Variants in EVI2B observed in about 807,000 individuals in gnomAD.
The protein encoded by EVI2B is ecotropic viral integration site 2B.
EVI2B carries 4 observed loss-of-function variants against 6.6 expected under a neutral mutation model. That is an observed-to-expected ratio of 0.61 (90% CI 0.30 to 1.39). The LOEUF (loss-of-function observed/expected upper bound fraction) is 1.39. EVI2B is among the 40% of genes most tolerant of loss of function. The pLI is 0.08. For synonymous variants in EVI2B, 181 were observed against 186.8 expected, an observed-to-expected ratio of 0.97 and a Z score of 0.25; for missense variants, 484 against 516.6, an observed-to-expected ratio of 0.94 and a Z score of 0.61.
At chr17:31,306,471 T>C (rs2068724105) in intron 1 of EVI2B, among the ~76,000 whole-genome samples, 1 of 152,122 alleles carries the variant, frequency 6.6e-6, no homozygotes, top group South Asian at 2.1e-4. Context: ...AAAATGGAGT[T>C]CATCTTTACC....
chr17:31,313,705 CAA>C (rs371438778), intron 1 of EVI2B, among the ~76,000 whole-genome samples: 13 of 112,600 alleles, frequency 1.2e-4, no homozygotes, highest in East Asian at 2.5e-4. Context: ...GACTCTATCT[CAA>C]AAAAAAAAAA....
chr17:31,310,772 A>G (rs1434206803), intron 1 of EVI2B, among the ~76,000 whole-genome samples: 1 of 151,978 alleles, frequency 6.6e-6, no homozygotes, highest in Non-Finnish European at 1.5e-5. Context: ...CAGCCCTCAT[A>G]TGCCGGTTTT....
At chr17:31,307,756 G>A (rs2068762672) in intron 1 of EVI2B, 1 of 514,566 alleles carries the variant, frequency 1.9e-6, no homozygotes, top group Non-Finnish European at 3.2e-6. Flanking sequence ...TTAACATTAG[G>A]GAATAGAAAA....
chr17:31,305,679 G>A, intron 1 of EVI2B, 49 bp from the exon 2 acceptor site: 1 of 1,497,858 alleles, frequency 6.7e-7, no homozygotes, highest in South Asian at 1.3e-5. Context: ...CGTCATTGGT[G>A]TCTAGTTAAA....
chr17:31,310,671 C>T (rs2068849091), intron 1 of EVI2B, among the ~76,000 whole-genome samples: 1 of 151,950 alleles, frequency 6.6e-6, no homozygotes, highest in Admixed American at 6.6e-5. Flanking sequence ...AGAAGCATAC[C>T]TAGCAATTAT....
rs569234254 is a variant in EVI2B, at chr17:31,305,317, G to C, written c.293C>G (p.Ala98Gly). The change falls in exon 2 of 2, where the codon GCT (alanine) becomes GGT (glycine). Residue 98 changes from alanine to glycine, a missense_variant. Ala to Gly is a moderately conservative substitution (Grantham distance 60). Transcript: ENST00000330927. ...SSEKPEAHTS[A>G]GQPLAYNTKQ... is the part of the protein sequence containing the mutation. ...GGTGTTGTAGGCAAGTGGTTGTCCA[G>C]CAGAAGTATGTGCTTCTGGTTTTTC... 1 of 1,614,164 alleles carries C rather than the reference G, an allele frequency of 6.2e-7. No homozygotes were observed. The highest frequency in any genetic ancestry group is 1.3e-5 in the African/African-American group (1 of 75,044).
intron 1 of EVI2B, among the ~76,000 whole-genome samples, chr17:31,311,200 AC>A (rs2068866821): frequency 6.6e-6 from 1 of 151,828 alleles, no homozygotes; most frequent in Non-Finnish European, 1.5e-5. Context: ...TGACCCACCC[AC>A]CTTGGCCTCC....
intron 1 of EVI2B, among the ~76,000 whole-genome samples, chr17:31,306,797 TAA>T (rs200513481): frequency 3.9e-4 from 54 of 138,964 alleles, no homozygotes; most frequent in African/African-American, 3.8e-4. Flanking sequence ...TTTAGGAGAT[TAA>T]AAAAAAAAAA....
rs761696879 is a variant in EVI2B at position 31,304,448 on chromosome 17, T to G, written c.1162A>C (p.Lys388Gln). ...GGAAATGATTGTATTATCTCAGATTTATGATCTCCACAGTCTTGATTGAGA... is the reference window on the plus strand; with the variant it reads ...GGAAATGATTGTATTATCTCAGATTGATGATCTCCACAGTCTTGATTGAGA... The part of the protein sequence containing the change: ...DCLNQDCGDH[K>Q]SEIIQSFPPL... The change falls in exon 2 of 2, where the codon AAA becomes CAA. Residue 388 changes from lysine (K) to glutamine (Q), a missense_variant. Physicochemically the swap from Lys to Gln is moderately conservative, Grantham distance 53. Transcript: ENST00000330927. 1.9e-6 allele frequency: 3 copies of G among 1,614,208 alleles called. No homozygotes were observed. Among genetic ancestry groups the G allele is most frequent in the Non-Finnish European group, 1.7e-6 (2 of 1,180,022 alleles).
At chr17:31,310,643 T>A (rs1364919614) in intron 1 of EVI2B, among the ~76,000 whole-genome samples, 1 of 152,122 alleles carries the variant, frequency 6.6e-6, no homozygotes, top group Non-Finnish European at 1.5e-5. Context: ...CTCCCTTTTT[T>A]TTTCCCTGAC....
chr17:31,311,030 T>A (rs2068861055), intron 1 of EVI2B, among the ~76,000 whole-genome samples: 1 of 151,060 alleles, frequency 6.6e-6, no homozygotes, highest in East Asian at 1.9e-4. Flanking sequence ...CACTGCAGCC[T>A]CTGCCTCCTG....
intron 1 of EVI2B, among the ~76,000 whole-genome samples, chr17:31,313,490 G>C (rs1028250229): frequency 2.0e-5 from 3 of 152,040 alleles, no homozygotes; most frequent in African/African-American, 7.2e-5. Flanking sequence ...GATCACCCAA[G>C]GTCAGGAGTA....
chr17:31,305,762 T>C, intron 1 of EVI2B, 132 bp from the exon 2 acceptor site: 1 of 753,848 alleles, frequency 1.3e-6, no homozygotes, highest in Non-Finnish European at 2.1e-6. Flanking sequence ...AGTTGATTAG[T>C]AGTTATTATT....
rs777889615 is a variant in EVI2B, at chr17:31,305,556, T to C, written c.54A>G (p.Thr18=). The change falls in exon 2 of 2, where the codon ACA becomes ACG. Residue 18 remains threonine, a synonymous_variant. Coordinates refer to ENST00000330927, the MANE Select transcript of EVI2B (RefSeq NM_006495.4). The part of the protein sequence containing the change: ...LILFCGHLNN[T]FFSKTETITT... Reference sequence around the variant, plus strand: ...TAATTGTCTCTGTCTTTGAAAAAAATGTATTGTTCAGGTGTCCACAAAACA... The same window carrying C: ...TAATTGTCTCTGTCTTTGAAAAAAACGTATTGTTCAGGTGTCCACAAAACA... 1.2e-6 allele frequency: 2 copies of C among 1,614,182 alleles called. No individual in the cohort carries two copies. The highest frequency in any genetic ancestry group is 2.2e-5 in the East Asian group (1 of 44,880).
intron 1 of EVI2B, among the ~76,000 whole-genome samples, chr17:31,308,581 T>A (rs1156560810): frequency 6.6e-6 from 1 of 152,204 alleles, no homozygotes; most frequent in East Asian, 1.9e-4. Context: ...ACACACGATT[T>A]TTCCCTGCTA....
Position 31,305,255 on chromosome 17 carries a change from G to T in EVI2B, c.355C>A (p.Gln119Lys), listed in dbSNP as rs746629693. Reference sequence around the variant, plus strand: ...TGTCTGGCAGAGGTGAACACGGCTTGCTGGGAGGAGGTGTTGGCTATTGGT... The same window carrying T: ...TGTCTGGCAGAGGTGAACACGGCTTTCTGGGAGGAGGTGTTGGCTATTGGT... ...PTPIANTSSQ[Q>K]AVFTSARQLP... The change falls in exon 2 of 2, where the codon CAA (glutamine) becomes AAA (lysine). Residue 119 changes from glutamine to lysine, a missense_variant. Coordinates refer to ENST00000330927, the MANE Select transcript of EVI2B (RefSeq NM_006495.4). 1 of 1,614,184 alleles carries T rather than the reference G, an allele frequency of 6.2e-7. No homozygotes were observed. The highest frequency in any genetic ancestry group is 1.1e-5 in the South Asian group (1 of 91,076).
rs1406748436 is a variant in EVI2B at position 31,305,076 on chromosome 17, A to C, written c.534T>G (p.Pro178=). The C allele has an allele frequency of 6.2e-7, 1 of 1,614,004 alleles. No individual in the cohort carries two copies. Among genetic ancestry groups the C allele is most frequent in the Non-Finnish European group, 8.5e-7 (1 of 1,180,040 alleles). The change falls in exon 2 of 2, where the codon CCT becomes CCG. Residue 178 remains proline (P), a synonymous_variant. Transcript: ENST00000330927. ...TQPTSTVKNS[P]RSTPGFILDT... ...CTAAGATAAATCCTGGTGTACTCCTAGGTGAATTTTTGACAGTTGATGTTG... is the reference window on the plus strand; with the variant it reads ...CTAAGATAAATCCTGGTGTACTCCTCGGTGAATTTTTGACAGTTGATGTTG...
At chr17:31,309,848 T>C (rs2068821434) in intron 1 of EVI2B, among the ~76,000 whole-genome samples, 1 of 152,190 alleles carries the variant, frequency 6.6e-6, no homozygotes, top group Non-Finnish European at 1.5e-5. Flanking sequence ...CAGTTAACGG[T>C]TATGGCAATA....
intron 1 of EVI2B, among the ~76,000 whole-genome samples, chr17:31,311,509 G>T (rs28723516): frequency 6.6e-6 from 1 of 152,064 alleles, no homozygotes; most frequent in Non-Finnish European, 1.5e-5. Context: ...TTTTGAAACC[G>T]TAAAAGAAAA....
Sources: allele counts gnomAD v4.1 joint callset (sites outside exome capture counted in the v4.1 genomes callset), GRCh38; gene constraint gnomAD v4.1.1; transcripts MANE v1.5; gene names NCBI Gene and HGNC (gene_info 2026-07-23, HGNC 2026-07-21).